The following KIFAP3 variants were observed in gnomAD, a reference collection of about 807,000 sequenced individuals.
KIFAP3 encodes the protein kinesin-associated protein 3.
In KIFAP3, 68 loss-of-function variants were observed where a neutral mutation model predicts 106.5. The ratio of observed to expected loss-of-function variants is 0.64; its 90% CI spans 0.53 to 0.78. The LOEUF (loss-of-function observed/expected upper bound fraction) is 0.78. KIFAP3 is among the 30% of genes least tolerant of loss of function. KIFAP3 has a pLI of 0.00. For missense variants in KIFAP3, 780 were observed against 941.8 expected, an observed-to-expected ratio of 0.83 and a Z score of 2.25; for synonymous variants, 320 against 311.5, an observed-to-expected ratio of 1.03 and a Z score of -0.29.
intron 5 of KIFAP3, among the ~76,000 whole-genome samples, chr1:170,035,848 CTTAA>C (rs1400385222): frequency 6.6e-6 from 1 of 151,950 alleles, no homozygotes; most frequent in Non-Finnish European, 1.5e-5. Context: ...CCTTTCATTT[CTTAA>C]TTTAATAACC....
chr1:170,073,038 GATA>G (rs1186900721), intron 1 of KIFAP3, among the ~76,000 whole-genome samples: 2 of 152,032 alleles, frequency 1.3e-5, no homozygotes, highest in African/African-American at 4.8e-5. Flanking sequence ...ATACTGGTAC[GATA>G]ATGTTAAGAA....
At chr1:170,079,078 T>C (rs552485231), upstream of KIFAP3, among the ~76,000 whole-genome samples, 1 of 152,362 alleles carries the variant, frequency 6.6e-6, no homozygotes, top group East Asian at 1.9e-4. Context: ...ATCTCCAATG[T>C]TGGAGACAGG....
intron 3 of KIFAP3, chr1:170,041,923 C>T (rs902122080): frequency 3.8e-5 from 48 of 1,252,586 alleles, no homozygotes; most frequent in African/African-American, 3.1e-4. Flanking sequence ...TACTCCTGGG[C>T]GATTTCGTTT....
At chr1:169,979,831 G>A (rs1017438666) in intron 15 of KIFAP3, among the ~76,000 whole-genome samples, 1 of 151,972 alleles carries the variant, frequency 6.6e-6, no homozygotes, top group Non-Finnish European at 1.5e-5. Flanking sequence ...AATATTCATA[G>A]GAGCATTATT....
chr1:169,953,906 T>TTC lies in KIFAP3; in HGVS notation c.2273+104_2273+105insGA, dbSNP rs386354349. 1,859 of 775,304 alleles carry TTC rather than the reference T, an allele frequency of 2.4e-3. 6 individuals carry two copies. Among genetic ancestry groups the TTC allele is most frequent in the Non-Finnish European group, 2.6e-3 (1,145 of 439,816 alleles). 48.0% of individuals were successfully genotyped at this position (775,304 alleles called of 1,614,324 possible). On this transcript the variant is annotated intron_variant, in intron 19 of 19. Transcript: ENST00000361580. ...GCCCTTGAAAAGATTGAGGGTTTTT[T>TTC]CCCCCCTCTTAATGAAAAAGAAGAG...
At chr1:170,076,706 AC>A (rs1477636139), upstream of KIFAP3, among the ~76,000 whole-genome samples, 1 of 152,226 alleles carries the variant, frequency 6.6e-6, no homozygotes. Context: ...AACAGAAAAT[AC>A]CTGGTAGGAA....
intron 9 of KIFAP3, among the ~76,000 whole-genome samples, chr1:170,020,759 T>G (rs577395346): frequency 6.6e-6 from 1 of 152,196 alleles, no homozygotes; most frequent in Non-Finnish European, 1.5e-5. Context: ...CAATGCATCT[T>G]TTCAACAAAT....
intron 9 of KIFAP3, among the ~76,000 whole-genome samples, chr1:170,021,592 A>C (rs1472150951): frequency 6.6e-6 from 1 of 151,636 alleles, no homozygotes; most frequent in Non-Finnish European, 1.5e-5. Flanking sequence ...GGTGTGTGCT[A>C]CCACACCTGG....
chr1:169,923,432 T>G (rs1287625131), intron 19 of KIFAP3, among the ~76,000 whole-genome samples: 2 of 152,212 alleles, frequency 1.3e-5, no homozygotes, highest in African/African-American at 4.8e-5. Flanking sequence ...GCACTAAGGC[T>G]AACAAGTAAT....
chr1:170,079,812 A>G (rs1199580272), intron 1 of KIFAP3, among the ~76,000 whole-genome samples: 1 of 151,780 alleles, frequency 6.6e-6, no homozygotes, highest in Non-Finnish European at 1.5e-5. Flanking sequence ...AAGAATGTCA[A>G]TGTATTTTGA....
upstream of KIFAP3, among the ~76,000 whole-genome samples, chr1:170,077,997 A>G (rs541187429): frequency 1.3e-5 from 2 of 152,294 alleles, no homozygotes; most frequent in South Asian, 2.1e-4. Flanking sequence ...CTATGAATAA[A>G]GCTACTAAAA....
chr1:170,005,925 T>A (rs961713013), intron 10 of KIFAP3, among the ~76,000 whole-genome samples: 5 of 152,010 alleles, frequency 3.3e-5, no homozygotes, highest in Non-Finnish European at 2.9e-5. Flanking sequence ...TGAAGAAAAC[T>A]GTTTTCTGTG....
chr1:169,935,758 T>C (rs994892382), intron 19 of KIFAP3, among the ~76,000 whole-genome samples: 1 of 151,994 alleles, frequency 6.6e-6, no homozygotes, highest in African/African-American at 2.4e-5. Context: ...AGATTTTACA[T>C]ATACCCATAA....
chr1:170,079,031 T>C (rs996814074), upstream of KIFAP3, among the ~76,000 whole-genome samples: 1 of 152,202 alleles, frequency 6.6e-6, no homozygotes, highest in Non-Finnish European at 1.5e-5. Flanking sequence ...CTATATAGTT[T>C]GCATACTTGA....
chr1:170,004,940 A>G (rs1667868856), intron 10 of KIFAP3, among the ~76,000 whole-genome samples: 1 of 152,002 alleles, frequency 6.6e-6, no homozygotes, highest in Non-Finnish European at 1.5e-5. Context: ...ATGGGAGAAA[A>G]TTTTCGCAAC....
chr1:170,037,615 T>C (rs1188528675), intron 5 of KIFAP3, among the ~76,000 whole-genome samples: 6 of 151,234 alleles, frequency 4.0e-5, no homozygotes, highest in Admixed American at 3.9e-4. Flanking sequence ...CACGTGCCTA[T>C]AATCCCAGCT....
Sources: gnomAD v4.1 joint callset for allele counts (sites outside exome capture counted in the v4.1 genomes callset) on GRCh38, gnomAD v4.1.1 for gene constraint, MANE v1.5 for transcripts, NCBI Gene and HGNC (gene_info 2026-07-23, HGNC 2026-07-21) for gene names.